The following PPM1E variants were observed in gnomAD, a reference collection of about 807,000 sequenced individuals.
PPM1E encodes the protein protein phosphatase, Mg2+/Mn2+ dependent 1E.
A neutral mutation model predicts 65.9 loss-of-function variants in PPM1E; 20 were observed. The observed-to-expected ratio is 0.30, with a 90% CI of 0.21 to 0.44. PPM1E has a LOEUF of 0.44. PPM1E is among the 20% of genes least tolerant of loss of function. The probability of loss-of-function intolerance (pLI) is 1.00; values close to 1 mark genes in which losing one functional copy is unlikely to be tolerated. For synonymous variants in PPM1E, 352 were observed against 374.9 expected (o/e 0.94, Z 0.70); for missense variants, 713 against 953.1 (o/e 0.75, Z 3.32).
At chr17:58,969,132 C>A (rs1302428896) in intron 3 of PPM1E, among the ~76,000 whole-genome samples, 1 of 152,144 alleles carries the variant, frequency 6.6e-6, no homozygotes, top group Non-Finnish European at 1.5e-5. Flanking sequence ...TATTAAAGTA[C>A]TTTCATTTTG....
chr17:58,784,576 G>C (rs1338213271), intron 1 of PPM1E, among the ~76,000 whole-genome samples: 1 of 150,332 alleles, frequency 6.7e-6, no homozygotes, highest in African/African-American at 2.5e-5. Flanking sequence ...CCAGGCTGGA[G>C]TGCAGTGGCA....
chr17:58,890,992 C>T (rs532452464), intron 1 of PPM1E, among the ~76,000 whole-genome samples: 25 of 151,094 alleles, frequency 1.7e-4, no homozygotes, highest in African/African-American at 5.1e-4. Flanking sequence ...TTTTTTGAGA[C>T]GGAATTTTGC....
At chr17:58,895,563 T>C (rs1406206909) in intron 1 of PPM1E, among the ~76,000 whole-genome samples, 1 of 151,946 alleles carries the variant, frequency 6.6e-6, no homozygotes, top group Non-Finnish European at 1.5e-5. Flanking sequence ...TTCCAAAACT[T>C]TGGGAGGCTG....
intron 1 of PPM1E, among the ~76,000 whole-genome samples, chr17:58,847,725 T>C (rs1465322044): frequency 6.6e-6 from 1 of 152,228 alleles, no homozygotes; most frequent in Non-Finnish European, 1.5e-5. Flanking sequence ...GCTTTGTTCT[T>C]TTGGCTTAGG....
chr17:58,816,744 AT>A (rs2050419363), intron 1 of PPM1E, among the ~76,000 whole-genome samples: 1 of 11,158 alleles, frequency 9.0e-5, no homozygotes, highest in Non-Finnish European at 1.5e-4. Flanking sequence ...GAATATAAAT[AT>A]ATATATATAT....
intron 1 of PPM1E, among the ~76,000 whole-genome samples, chr17:58,940,444 T>G (rs1458635699): frequency 6.6e-6 from 1 of 152,220 alleles, no homozygotes; most frequent in Non-Finnish European, 1.5e-5. Context: ...TAGCTATTAG[T>G]CAGCTAATCC....
At chr17:58,967,025 C>A (rs2030297360) in intron 3 of PPM1E, among the ~76,000 whole-genome samples, 1 of 152,286 alleles carries the variant, frequency 6.6e-6, no homozygotes, top group Non-Finnish European at 1.5e-5. Context: ...AGATTATACT[C>A]ATATTTGGGG....
intron 4 of PPM1E, among the ~76,000 whole-genome samples, chr17:58,971,168 C>G (rs1360602029): frequency 1.3e-5 from 2 of 152,130 alleles, no homozygotes; most frequent in African/African-American, 4.8e-5. Context: ...GCCTCCTGTT[C>G]TCTCCAGGGC....
intron 1 of PPM1E, among the ~76,000 whole-genome samples, chr17:58,930,229 C>G (rs1454480896): frequency 6.7e-6 from 1 of 149,058 alleles, no homozygotes; most frequent in Non-Finnish European, 1.5e-5. Flanking sequence ...AACCCCACCT[C>G]TACAATAAAT....
intron 1 of PPM1E, among the ~76,000 whole-genome samples, chr17:58,820,151 A>T (rs1314108188): frequency 6.6e-6 from 1 of 152,096 alleles, no homozygotes; most frequent in African/African-American, 2.4e-5. Flanking sequence ...CATTCATAAA[A>T]ATCCACCCCC....
intron 1 of PPM1E, among the ~76,000 whole-genome samples, chr17:58,843,010 C>T (rs1026883678): frequency 4.6e-5 from 7 of 151,388 alleles, no homozygotes; most frequent in East Asian, 2.0e-4. Context: ...ACAGGCCGGG[C>T]GCTGGGTGGC....
chr17:58,851,009 C>T (rs1298845527), intron 1 of PPM1E, among the ~76,000 whole-genome samples: 2 of 152,148 alleles, frequency 1.3e-5, no homozygotes, highest in Non-Finnish European at 2.9e-5. Context: ...TCTCTTCTGG[C>T]TTCATTTCAT....
chr17:58,914,662 C>T (rs2051664578), intron 1 of PPM1E, among the ~76,000 whole-genome samples: 1 of 152,098 alleles, frequency 6.6e-6, no homozygotes, highest in African/African-American at 2.4e-5. Context: ...GCTACCTTAA[C>T]CAAGTGATCA....
intron 1 of PPM1E, among the ~76,000 whole-genome samples, chr17:58,811,581 GCAT>G (rs1323051423): frequency 6.6e-6 from 1 of 152,114 alleles, no homozygotes; most frequent in Non-Finnish European, 1.5e-5. Flanking sequence ...TAAACTGTAG[GCAT>G]CTATGTGACT....
chr17:58,833,709 T>G lies in PPM1E; in HGVS notation c.464+77248T>G, dbSNP rs116914569. 9.8e-3 allele frequency among the ~76,000 whole-genome samples: 1,486 copies of G among 152,236 alleles called. 15 individuals are homozygous for G. The highest frequency in any genetic ancestry group is 0.015 in the Non-Finnish European group (1,017 of 68,010). On this transcript the variant is annotated intron_variant, in intron 1 of 6. Coordinates refer to ENST00000308249, the MANE Select transcript of PPM1E (RefSeq NM_014906.5). The stretch of plus-strand genomic sequence containing the variant: ...TGAACATGCGAGTGCATATGTCTTT[T>G]TGATAGAATTACTTGTTTTCTTTTG...
At chr17:58,805,990 C>CAAAAAAAAAAAAAAAAA in intron 1 of PPM1E, among the ~76,000 whole-genome samples, 1 of 71,372 alleles carries the variant, frequency 1.4e-5, no homozygotes, top group Non-Finnish European at 2.6e-5. Flanking sequence ...AAAAACAAAA[C>CAAAAAAAAAAAAAAAAA]AAAACAAAAC....
In PPM1E at chr17:58,959,467, C is replaced by T. The variant is rs1250411977; in HGVS notation, c.583+3700C>T. On this transcript the variant is annotated intron_variant, in intron 2 of 6. Coordinates refer to ENST00000308249, the MANE Select transcript of PPM1E (RefSeq NM_014906.5). ...ACAAAAAATTAGCTGGGCATGGTGGCGGGCGCCTGTAGTCCCAGCTACTCA... is the reference window on the plus strand; with the variant it reads ...ACAAAAAATTAGCTGGGCATGGTGGTGGGCGCCTGTAGTCCCAGCTACTCA... 4.6e-5 allele frequency among the ~76,000 whole-genome samples: 7 copies of T among 151,650 alleles called. No individual in the cohort carries two copies. In the South Asian group the frequency reaches 6.3e-4, roughly 14 times the overall value.
intron 1 of PPM1E, among the ~76,000 whole-genome samples, chr17:58,836,890 C>T (rs1474499325): frequency 2.0e-5 from 3 of 149,754 alleles, no homozygotes; most frequent in South Asian, 4.3e-4. Flanking sequence ...CATGGTGGCG[C>T]GCGCCTGTAG....
At chr17:58,804,300 T>C (rs1027665150) in intron 1 of PPM1E, among the ~76,000 whole-genome samples, 1 of 152,250 alleles carries the variant, frequency 6.6e-6, no homozygotes, top group African/African-American at 2.4e-5. Context: ...GAAAACTTTT[T>C]AATGTTTTCA....
Sources: allele counts gnomAD v4.1 joint callset (sites outside exome capture counted in the v4.1 genomes callset), GRCh38; gene constraint gnomAD v4.1.1; transcripts MANE v1.5; gene names NCBI Gene and HGNC (gene_info 2026-07-23, HGNC 2026-07-21).